Variants in TSHZ2 observed in about 807,000 individuals in gnomAD.
TSHZ2 encodes the protein teashirt zinc finger homeobox 2, also known as teashirt homolog 2.
Under a neutral mutation model 74.4 loss-of-function variants are expected in TSHZ2, and 21 were observed. The observed-to-expected ratio is 0.28, with a 90% CI of 0.20 to 0.41. The LOEUF (loss-of-function observed/expected upper bound fraction) is 0.41. TSHZ2 is among the 10% of genes least tolerant of loss of function. The pLI is 1.00. For synonymous variants in TSHZ2, 540 were observed against 515.3 expected (o/e 1.05, Z -0.65); for missense variants, 1,244 against 1,293.5 (o/e 0.96, Z 0.59).
chr20:53,484,540 C>T (rs1986242856), intron 2 of TSHZ2, among the ~76,000 whole-genome samples: 1 of 152,022 alleles, frequency 6.6e-6, no homozygotes, highest in Non-Finnish European at 1.5e-5. Flanking sequence ...GGTGCACCAC[C>T]ATGCCCAGCT....
intron 2 of TSHZ2, among the ~76,000 whole-genome samples, chr20:53,294,352 G>A (rs1200965754): frequency 6.6e-6 from 1 of 152,102 alleles, no homozygotes; most frequent in Non-Finnish European, 1.5e-5. Context: ...AATGTCTTAT[G>A]CCTCAAATGT....
intron 2 of TSHZ2, among the ~76,000 whole-genome samples, chr20:53,277,458 A>G (rs1990969981): frequency 6.9e-6 from 1 of 145,304 alleles, no homozygotes; most frequent in South Asian, 2.2e-4. Context: ...ACTAAAAAAC[A>G]GGAAAAAAAA....
intron 1 of TSHZ2, among the ~76,000 whole-genome samples, chr20:53,017,704 G>T (rs1983092363): frequency 6.6e-6 from 1 of 152,076 alleles, no homozygotes; most frequent in Non-Finnish European, 1.5e-5. Context: ...ATTGTCTGTG[G>T]GCTAGAGAAT....
At chr20:53,337,154 G>A (rs1172154420) in intron 2 of TSHZ2, among the ~76,000 whole-genome samples, 3 of 152,198 alleles carry the variant, frequency 2.0e-5, no homozygotes, top group East Asian at 1.9e-4. Flanking sequence ...TCCACAGGCA[G>A]AATGTCTTCC....
intron 2 of TSHZ2, among the ~76,000 whole-genome samples, chr20:53,314,354 G>A (rs1456563898): frequency 1.3e-5 from 2 of 151,402 alleles, no homozygotes; most frequent in Non-Finnish European, 2.9e-5. Context: ...GTAACTAATC[G>A]ACCCCAAACC....
In TSHZ2 at chr20:53,490,263, A is replaced by G. The variant is rs1180509490; in HGVS notation, c.*3128A>G. 2 of 152,226 alleles carry G rather than the reference A, an allele frequency of 1.3e-5. No homozygotes were observed. Among genetic ancestry groups the G allele is most frequent in the Non-Finnish European group, 1.5e-5 (1 of 68,040 alleles). The allele number at this position is 152,226 out of a possible 1,614,324, so 9.4% of individuals were successfully genotyped here. On this transcript the variant is annotated 3_prime_UTR_variant, in exon 3 of 3. Transcript: ENST00000371497. ...CAGCATGTTACAAGGCACTGGTGGC[A>G]CAGGGCACAACAGGAAATGATATTT...
chr20:53,157,247 TA>T, intron 1 of TSHZ2, among the ~76,000 whole-genome samples: 1 of 148,916 alleles, frequency 6.7e-6, no homozygotes, highest in African/African-American at 2.5e-5. Flanking sequence ...CTTATGGGCG[TA>T]AAACACTCTG....
At chr20:53,276,554 A>G (rs779498101) in intron 2 of TSHZ2, among the ~76,000 whole-genome samples, 4 of 152,242 alleles carry the variant, frequency 2.6e-5, no homozygotes, top group Non-Finnish European at 5.9e-5. Context: ...CAGTTTCTTC[A>G]TCTATAAGAT....
At chr20:53,247,406 T>A (rs1990232963) in intron 1 of TSHZ2, among the ~76,000 whole-genome samples, 1 of 152,088 alleles carries the variant, frequency 6.6e-6, no homozygotes, top group African/African-American at 2.4e-5. Context: ...AGCAGAGGGA[T>A]CCCTCCACAT....
In TSHZ2 at chr20:53,281,648, G is replaced by A. The variant is rs73274253; in HGVS notation, c.*8+25077G>A. Among the ~76,000 whole-genome samples the A allele has an allele frequency of 2.8e-3, 426 of 152,312 alleles. 1 individual carries two copies. The highest frequency in any genetic ancestry group is 9.6e-3 in the African/African-American group (399 of 41,572). The stretch of plus-strand genomic sequence containing the variant: ...TGTGGGGGTCCTAGAAGCAGATCCT[G>A]ACATCAGGGTTCCTGGGCTATTAAA... On this transcript the variant is annotated intron_variant, in intron 2 of 2. Coordinates refer to ENST00000371497, the MANE Select transcript of TSHZ2 (RefSeq NM_173485.6).
chr20:53,133,668 A>G (rs990588075), intron 1 of TSHZ2, among the ~76,000 whole-genome samples: 2 of 152,204 alleles, frequency 1.3e-5, no homozygotes, highest in African/African-American at 4.8e-5. Flanking sequence ...AAAACTAATA[A>G]AAATCAACTA....
intron 2 of TSHZ2, among the ~76,000 whole-genome samples, chr20:53,278,307 A>T (rs1308903303): frequency 6.6e-6 from 1 of 152,072 alleles, no homozygotes; most frequent in Non-Finnish European, 1.5e-5. Flanking sequence ...AGGTAGCCTT[A>T]CTCTTCTCAT....
At chr20:53,028,973 A>AT in intron 1 of TSHZ2, among the ~76,000 whole-genome samples, 1 of 152,314 alleles carries the variant, frequency 6.6e-6, no homozygotes, top group East Asian at 1.9e-4. Flanking sequence ...AGATCTCTCA[A>AT]TTTTTTTAGT....
chr20:53,277,323 G>A (rs903505084), intron 2 of TSHZ2, among the ~76,000 whole-genome samples: 3 of 152,112 alleles, frequency 2.0e-5, no homozygotes, highest in Admixed American at 2.0e-4. Flanking sequence ...ATAATTCACT[G>A]CAAAGCAAAT....
intron 1 of TSHZ2, among the ~76,000 whole-genome samples, chr20:53,130,718 G>T (rs1358750593): frequency 6.6e-6 from 1 of 152,214 alleles, no homozygotes; most frequent in Non-Finnish European, 1.5e-5. Context: ...GGTTAGGAGA[G>T]AAGATCTCAG....
chr20:53,439,224 GAGT>G (rs1984219352), intron 2 of TSHZ2, among the ~76,000 whole-genome samples: 1 of 152,152 alleles, frequency 6.6e-6, no homozygotes, highest in Admixed American at 6.5e-5. Context: ...ACATCATTTT[GAGT>G]ATTTCTCCAG....
intron 1 of TSHZ2, among the ~76,000 whole-genome samples, chr20:53,151,777 C>T (rs1987682435): frequency 6.6e-6 from 1 of 152,006 alleles, no homozygotes; most frequent in African/African-American, 2.4e-5. Context: ...TAACTACAGC[C>T]TTCAAGTTAT....
intron 2 of TSHZ2, among the ~76,000 whole-genome samples, chr20:53,403,626 C>G (rs1393612496): frequency 6.6e-6 from 1 of 152,188 alleles, no homozygotes; most frequent in Non-Finnish European, 1.5e-5. Context: ...GTGCGGTACA[C>G]ATGCCATGAG....
chr20:53,293,854 A>G (rs764983354), intron 2 of TSHZ2, among the ~76,000 whole-genome samples: 1 of 151,918 alleles, frequency 6.6e-6, no homozygotes, highest in Non-Finnish European at 1.5e-5. Context: ...CATCTCTACT[A>G]AAAATACAAA....
Sources: gnomAD v4.1 joint callset for allele counts (sites outside exome capture counted in the v4.1 genomes callset) on GRCh38, gnomAD v4.1.1 for gene constraint, MANE v1.5 for transcripts, NCBI Gene and HGNC (gene_info 2026-07-23, HGNC 2026-07-21) for gene names.